KNTC1: variants seen among roughly 807,000 people sequenced by gnomAD.
KNTC1 encodes the protein kinetochore-associated protein 1.
KNTC1 carries 253 observed loss-of-function variants against 314.4 expected under a neutral mutation model. That is an observed-to-expected ratio of 0.80 (90% CI 0.73 to 0.89). The LOEUF is 0.89. Ranked by LOEUF, KNTC1 falls within the 40% of genes least tolerant of loss-of-function variation. KNTC1 has a pLI of 0.00. For missense variants in KNTC1, 2,475 were observed against 2,572.9 expected (o/e 0.96, Z 0.82); for synonymous variants, 901 against 901.4 (o/e 1.00, Z 0.01).
chr12:122,624,689 G>C lies in KNTC1; in HGVS notation c.6606+1G>C. On this transcript the variant is annotated splice_donor_variant, in intron 63 of 63. Transcript: ENST00000333479. LOFTEE classifies it high-confidence loss of function. The stretch of plus-strand genomic sequence containing the variant: ...CACTGCTCCCTGTGAAATTCTGAAG[G>C]TAAAGCTGATGGAAAGTTCTTAGGT... 1.2e-6 allele frequency: 2 copies of C among 1,609,686 alleles called. No homozygotes were observed. Among genetic ancestry groups the C allele is most frequent in the Non-Finnish European group, 1.7e-6 (2 of 1,176,062 alleles).
intron 15 of KNTC1, 32 bp downstream of exon 15, chr12:122,551,555 T>C: frequency 2.5e-6 from 4 of 1,604,318 alleles, no homozygotes; most frequent in Non-Finnish European, 3.4e-6. Context: ...AGCTTTATCC[T>C]TTAGTGAATA....
chr12:122,549,594 G>T (rs1383281672), intron 12 of KNTC1, among the ~76,000 whole-genome samples, 172 bp from the exon 13 acceptor site: 1 of 152,012 alleles, frequency 6.6e-6, no homozygotes, highest in Non-Finnish European at 1.5e-5. Context: ...TGGAACTCCT[G>T]AGCTCAGGCA....
intron 59 of KNTC1, among the ~76,000 whole-genome samples, chr12:122,619,826 A>G (rs1030699925): frequency 2.0e-5 from 3 of 152,218 alleles, no homozygotes; most frequent in Non-Finnish European, 4.4e-5. Context: ...GTATGAGCAT[A>G]GAGTACTTTT....
chr12:122,539,381 A>T (rs11058618), intron 4 of KNTC1, among the ~76,000 whole-genome samples: 2,839 of 152,332 alleles, frequency 0.019, 87 homozygotes, highest in African/African-American at 0.06. Flanking sequence ...AGGTGTTACC[A>T]CAGCTTGGAT....
At chr12:122,574,445 C>T (rs1224190435) in intron 27 of KNTC1, 65 bp downstream of exon 27, 1 of 993,872 alleles carries the variant, frequency 1.0e-6, no homozygotes. Context: ...AAGCTTTTTT[C>T]TGTTCATAAA....
At chr12:122,529,894 A>G (rs1364346443) in intron 1 of KNTC1, 97 bp from the exon 2 acceptor site, 9 of 580,232 alleles carry the variant, frequency 1.6e-5, no homozygotes, top group Admixed American at 3.5e-5. Flanking sequence ...CAATAACAAG[A>G]AGACTAAGAT....
intron 2 of KNTC1, among the ~76,000 whole-genome samples, chr12:122,532,446 A>T (rs1961433348): frequency 6.6e-6 from 1 of 151,748 alleles, no homozygotes. Flanking sequence ...TGACCTTGTG[A>T]TCCACCCACC....
rs752199094 is a variant in KNTC1, at chr12:122,609,447, C to CTT, written c.5543+18_5543+19dup. 6.7e-7 allele frequency: 1 copy of CTT among 1,487,216 alleles called. No individual in the cohort carries two copies. Among genetic ancestry groups the CTT allele is most frequent in the Non-Finnish European group, 9.2e-7 (1 of 1,083,142 alleles). The allele number at this position is 1,487,216 out of a possible 1,614,324, so 92.1% of individuals were successfully genotyped here. A position where few individuals can be genotyped will look rare whatever the true frequency, so the allele number is the denominator to read the frequency against. On this transcript the variant is annotated intron_variant, in intron 52 of 63. Transcript: ENST00000333479. ...CCTACGAAGGTACTCTTTTCCTTTA[C>CTT]TTATATTCACCTATATCGTGATGCA...
rs34344479 is a variant in KNTC1, at chr12:122,606,222, CTTTTTTT to C, written c.5496+823_5496+829del. Among the ~76,000 whole-genome samples, 36 of 109,772 alleles carry C rather than the reference CTTTTTTT, an allele frequency of 3.3e-4. No homozygotes were observed. The East Asian group carries it at 6.0e-3, about 18-fold the overall frequency. 72.0% of individuals were successfully genotyped at this position (109,772 alleles called of 152,430 possible). A position where few individuals can be genotyped will look rare whatever the true frequency, so the allele number is the denominator to read the frequency against. Reference sequence around the variant, plus strand: ...TGATAAGTTTTAAAGAGATTGTTTACTTTTTTTTTTTTTTTTTTTTTTGGATACAGAG... The same window carrying C: ...TGATAAGTTTTAAAGAGATTGTTTACTTTTTTTTTTTTTTTGGATACAGAG... On this transcript the variant is annotated intron_variant, in intron 51 of 63. Coordinates refer to ENST00000333479, the MANE Select transcript of KNTC1 (RefSeq NM_014708.6).
chr12:122,576,120 C>T (rs546499853), intron 29 of KNTC1, among the ~76,000 whole-genome samples: 29 of 152,266 alleles, frequency 1.9e-4, no homozygotes, highest in African/African-American at 5.8e-4. Context: ...AGTGCAATGG[C>T]GCGATCTCGG....
chr12:122,559,305 G>A (rs931818892), intron 18 of KNTC1, among the ~76,000 whole-genome samples: 3 of 152,038 alleles, frequency 2.0e-5, no homozygotes, highest in East Asian at 3.9e-4. Context: ...CTGAGATCGC[G>A]CTTCCAGCCT....
In KNTC1 at chr12:122,544,276, GT is replaced by G; in HGVS notation, c.669+12del. On this transcript the variant is annotated splice_region_variant and intron_variant, in intron 8 of 63. Coordinates refer to ENST00000333479, the MANE Select transcript of KNTC1 (RefSeq NM_014708.6). ...AGTTCCTGTGATAATTGGGGTAATT[GT>G]TTTTATAAAGTTTTGTTTTTTGTTG... 1 of 1,448,040 alleles carries G rather than the reference GT, an allele frequency of 6.9e-7. No homozygotes were observed. The highest frequency in any genetic ancestry group is 9.4e-7 in the Non-Finnish European group (1 of 1,064,308). The allele number at this position is 1,448,040 out of a possible 1,614,324, so 89.7% of individuals were successfully genotyped here. A position where few individuals can be genotyped will look rare whatever the true frequency, so the allele number is the denominator to read the frequency against.
intron 40 of KNTC1, among the ~76,000 whole-genome samples, chr12:122,589,844 C>T (rs1214418329): frequency 3.9e-5 from 5 of 129,428 alleles, no homozygotes; most frequent in Non-Finnish European, 7.7e-5. Context: ...AGTGCAGTGG[C>T]GCGATTTCGG....
chr12:122,556,362 C>G (rs1023407573), intron 16 of KNTC1, among the ~76,000 whole-genome samples: 1 of 152,012 alleles, frequency 6.6e-6, no homozygotes, highest in African/African-American at 2.4e-5. Flanking sequence ...CTACAGTCAT[C>G]ATAGACCTCT....
rs201148456 is a variant in KNTC1, at chr12:122,574,376, C to T, written c.2378C>T (p.Thr793Met). 182 of 1,578,574 alleles carry T rather than the reference C, an allele frequency of 1.2e-4. No individual in the cohort carries two copies. The highest frequency in any genetic ancestry group is 3.3e-4 in the Middle Eastern group (2 of 6,010). The change falls in exon 27 of 64, where the codon ACG (threonine) becomes ATG (methionine). Residue 793 changes from threonine (T) to methionine (M), a missense_variant. By Grantham distance (81) the Thr-to-Met change is moderately conservative. Coordinates refer to ENST00000333479, the MANE Select transcript of KNTC1 (RefSeq NM_014708.6). The part of the protein sequence containing the change: ...AMAVIACLSD[T>M]DLIFDAVLKI... ...GCAGTAATAGCGTGTTTATCTGACA[C>T]GGACGTAAGTAAATAGTGACCATTT... is the stretch of plus-strand genomic sequence containing the variant.
rs1474789302 is a variant in KNTC1, at chr12:122,591,307, T to C, written c.4129-30T>C. On this transcript the variant is annotated intron_variant, in intron 41 of 63. Coordinates refer to ENST00000333479, the MANE Select transcript of KNTC1 (RefSeq NM_014708.6). Reference sequence around the variant, plus strand: ...TTATAAGAATACATTCTACTTACGATTGAACTTTAATTCTCTTTTAATTTT... The same window carrying C: ...TTATAAGAATACATTCTACTTACGACTGAACTTTAATTCTCTTTTAATTTT... 4.4e-6 allele frequency: 5 copies of C among 1,129,322 alleles called. No homozygotes were observed. The East Asian group carries it at 9.4e-5, about 21-fold the overall frequency. 70.0% of individuals were successfully genotyped at this position (1,129,322 alleles called of 1,614,324 possible). A position where few individuals can be genotyped will look rare whatever the true frequency, so the allele number is the denominator to read the frequency against.
rs375124349 is a variant in KNTC1, at chr12:122,579,221, C to T, written c.2842-684C>T. ...CTGGGACTACAGGCGCCCGCCACTA[C>T]GCCCGGCTAATTTTTTGTATTTTTA... On this transcript the variant is annotated intron_variant, in intron 31 of 63. Transcript: ENST00000333479. Among the ~76,000 whole-genome samples the T allele has an allele frequency of 8.0e-3, 1,209 of 150,318 alleles. 17 individuals carry two copies. Among genetic ancestry groups the T allele is most frequent in the African/African-American group, 0.028 (1,158 of 40,942 alleles).
At chr12:122,581,534 G>C (rs1485615036) in intron 33 of KNTC1, among the ~76,000 whole-genome samples, 1 of 150,832 alleles carries the variant, frequency 6.6e-6, no homozygotes, top group African/African-American at 2.4e-5. Context: ...TCACTCTGTT[G>C]CCCAGGCTGG....
At chr12:122,546,303 T>C (rs1473991042) in intron 9 of KNTC1, 34 bp downstream of exon 9, 9 of 1,252,716 alleles carry the variant, frequency 7.2e-6, no homozygotes, top group East Asian at 2.4e-5. Context: ...TTTAGACAAT[T>C]ATTAGTGAGT....
Sources: gnomAD v4.1 joint callset for allele counts (sites outside exome capture counted in the v4.1 genomes callset) on GRCh38, gnomAD v4.1.1 for gene constraint, MANE v1.5 for transcripts, NCBI Gene and HGNC (gene_info 2026-07-23, HGNC 2026-07-21) for gene names.